Variants in GAS7 observed in about 807,000 individuals in gnomAD.
The protein encoded by GAS7 is growth arrest-specific protein 7.
In GAS7, 28 loss-of-function variants were observed where a neutral mutation model predicts 71.1. That is an observed-to-expected ratio of 0.39 (90% CI 0.29 to 0.54). GAS7 has a LOEUF of 0.54. Among genes scored for constraint, GAS7 ranks in the 20% least tolerant of loss-of-function variants. The pLI, the probability that GAS7 is intolerant of heterozygous loss-of-function variation, is 0.62. For missense variants in GAS7, 436 were observed against 627.8 expected (o/e 0.69, Z 3.27); for synonymous variants, 258 against 245.8 (o/e 1.05, Z -0.46).
chr17:10,039,049 G>A (rs1022810665), intron 1 of GAS7, among the ~76,000 whole-genome samples: 10 of 152,086 alleles, frequency 6.6e-5, no homozygotes, highest in African/African-American at 1.9e-4. Context: ...GGCAGGGAAT[G>A]ATGGGAAGTT....
At chr17:10,158,023 T>A (rs1378360627) in intron 1 of GAS7, among the ~76,000 whole-genome samples, 1 of 152,138 alleles carries the variant, frequency 6.6e-6, no homozygotes, top group Non-Finnish European at 1.5e-5. Context: ...TTTATTTTTA[T>A]TTTTTGAGAC....
At chr17:9,951,844 A>T (rs1387496805) in intron 5 of GAS7, among the ~76,000 whole-genome samples, 1 of 139,316 alleles carries the variant, frequency 7.2e-6, no homozygotes, top group Non-Finnish European at 1.5e-5. Context: ...TGGGGCAGGC[A>T]GGAGGAGAAA....
chr17:10,133,116 T>TATA (rs1319814933), intron 1 of GAS7, among the ~76,000 whole-genome samples: 4 of 144,370 alleles, frequency 2.8e-5, no homozygotes, highest in East Asian at 2.0e-4. Flanking sequence ...GATTATATAT[T>TATA]TTTATATTTT....
intron 1 of GAS7, among the ~76,000 whole-genome samples, chr17:10,050,284 TG>T (rs2073044983): frequency 6.6e-6 from 1 of 151,566 alleles, no homozygotes; most frequent in East Asian, 1.9e-4. Flanking sequence ...GTTGGTGGGG[TG>T]GGGGGGCTTT....
intron 1 of GAS7, among the ~76,000 whole-genome samples, chr17:10,196,777 G>T (rs969670847): frequency 1.3e-5 from 2 of 152,140 alleles, no homozygotes; most frequent in African/African-American, 4.8e-5. Context: ...TCTATCCCAG[G>T]GCTTCAAGCT....
chr17:10,036,405 A>T, intron 1 of GAS7: 1 of 1,550,816 alleles, frequency 6.4e-7, no homozygotes. Context: ...TGGAGCATAC[A>T]TCTGCAGGCA....
Position 10,021,879 on chromosome 17 carries a change from G to A in GAS7, c.184-1982C>T, listed in dbSNP as rs1429267953. 2.6e-5 allele frequency among the ~76,000 whole-genome samples: 4 copies of A among 152,342 alleles called. No individual in the cohort carries two copies. The East Asian group carries it at 7.7e-4, about 29-fold the overall frequency. On this transcript the variant is annotated intron_variant, in intron 1 of 13. Transcript: ENST00000432992. ...GCGCGCGTGCATGTTGAGAGAAAGAGAAGTATCCCATGCACAGGAGATGAA... is the reference window on the plus strand; with the variant it reads ...GCGCGCGTGCATGTTGAGAGAAAGAAAAGTATCCCATGCACAGGAGATGAA...
intron 1 of GAS7, among the ~76,000 whole-genome samples, chr17:10,169,183 T>C (rs2074316858): frequency 6.6e-6 from 1 of 151,954 alleles, no homozygotes; most frequent in Non-Finnish European, 1.5e-5. Context: ...GGAGAATCAC[T>C]TGAACCCAGG....
Position 9,981,705 on chromosome 17 carries a change from T to C in GAS7, c.385+99A>G. On this transcript the variant is annotated intron_variant, in intron 3 of 13. Transcript: ENST00000432992. The surrounding 1 kb of genome is among the most constrained non-coding windows in gnomAD (Gnocchi z 4.4). ...CCAACCCCTCCCTGGGTTTGCTACA[T>C]CAGCCAGGTTTAAGACCCAGGACCC... The C allele has an allele frequency of 2.7e-6, 2 of 738,412 alleles. No homozygotes were observed. Among genetic ancestry groups the C allele is most frequent in the Non-Finnish European group, 4.8e-6 (2 of 416,610 alleles). The allele number at this position is 738,412 out of a possible 1,614,324, so 45.7% of individuals were successfully genotyped here.
At chr17:10,086,414 T>A (rs769311532) in intron 1 of GAS7, among the ~76,000 whole-genome samples, 3 of 152,104 alleles carry the variant, frequency 2.0e-5, no homozygotes, top group Non-Finnish European at 2.9e-5. Flanking sequence ...AAGGCCAGGA[T>A]TATGTCTCCT....
At chr17:9,970,632 A>AAAAACAAAAC (rs760182527) in intron 3 of GAS7, among the ~76,000 whole-genome samples, 1 of 151,560 alleles carries the variant, frequency 6.6e-6, no homozygotes, top group Non-Finnish European at 1.5e-5. Context: ...AACTCCATCA[A>AAAAACAAAAC]AAAACAAAAC....
chr17:10,137,108 A>T (rs1286465378), intron 1 of GAS7, among the ~76,000 whole-genome samples: 1 of 121,840 alleles, frequency 8.2e-6, no homozygotes, highest in Non-Finnish European at 1.8e-5. Flanking sequence ...AGCGAGACCC[A>T]GCTTAAAAAG....
chr17:10,054,772 C>T (rs2073113335), intron 1 of GAS7, among the ~76,000 whole-genome samples: 1 of 152,246 alleles, frequency 6.6e-6, no homozygotes, highest in African/African-American at 2.4e-5. Context: ...TGGATGCCAG[C>T]TTCCACGGGA....
intron 1 of GAS7, among the ~76,000 whole-genome samples, chr17:10,158,336 T>TTAAAAAC (rs532036477): frequency 0.098 from 8,188 of 83,450 alleles, 287 homozygotes; most frequent in South Asian, 0.18. Context: ...CTTTTTTTGG[T>TTAAAAAC]AAAAAAAAAA....
At chr17:10,154,408 G>A (rs1377055521) in intron 1 of GAS7, among the ~76,000 whole-genome samples, 1 of 152,046 alleles carries the variant, frequency 6.6e-6, no homozygotes, top group African/African-American at 2.4e-5. Flanking sequence ...GGAGGCCAAG[G>A]TGGGAGGATT....
In GAS7 at chr17:9,919,626, C is replaced by T; in HGVS notation, c.1218G>A (p.Leu406=). 6.2e-7 allele frequency: 1 copy of T among 1,608,720 alleles called. No individual in the cohort carries two copies. Among genetic ancestry groups the T allele is most frequent in the Non-Finnish European group, 8.5e-7 (1 of 1,175,080 alleles). The change falls in exon 12 of 14, where the codon TTG becomes TTA. Residue 406 remains leucine (L), a splice_region_variant and synonymous_variant. Transcript: ENST00000432992. The surrounding 1 kb of genome is among the most constrained non-coding windows in gnomAD (Gnocchi z 5.0). Reference sequence around the variant, plus strand: ...TGTCCACACATCCCTGCCCGCTTACCAATGTGGTGGTCACCATCTCTTCAA... The same window carrying T: ...TGTCCACACATCCCTGCCCGCTTACTAATGTGGTGGTCACCATCTCTTCAA... ...KWFEEMVTTT[L]ELERLEVERV...
chr17:10,100,890 G>C (rs2073692002), intron 1 of GAS7, among the ~76,000 whole-genome samples: 2 of 152,220 alleles, frequency 1.3e-5, no homozygotes, highest in Admixed American at 1.3e-4. Context: ...CCTAGAGATG[G>C]AGATTTCTGA....
chr17:10,118,135 A>G (rs1473313513), intron 1 of GAS7, among the ~76,000 whole-genome samples: 1 of 152,148 alleles, frequency 6.6e-6, no homozygotes, highest in Admixed American at 6.5e-5. Context: ...GACAGCCAAG[A>G]CCATCCCGGA....
Position 9,915,339 on chromosome 17 carries a change from A to C in GAS7, c.*1889T>G. On this transcript the variant is annotated 3_prime_UTR_variant, in exon 14 of 14. Coordinates refer to ENST00000432992, the MANE Select transcript of GAS7 (RefSeq NM_201433.2). Reference sequence around the variant, plus strand: ...AGAGTAGTTTACTAAGCCACAAAGCAATTACCACTAGCACCCATTTTTCAT... The same window carrying C: ...AGAGTAGTTTACTAAGCCACAAAGCCATTACCACTAGCACCCATTTTTCAT... The C allele has an allele frequency of 4.3e-6, 1 of 231,178 alleles. No individual in the cohort carries two copies. 14.3% of individuals were successfully genotyped at this position (231,178 alleles called of 1,614,324 possible). A position where few individuals can be genotyped will look rare whatever the true frequency, so the allele number is the denominator to read the frequency against.
Sources: gnomAD v4.1 joint callset for allele counts (sites outside exome capture counted in the v4.1 genomes callset) on GRCh38, gnomAD v4.1.1 for gene constraint, Gnocchi (gnomAD v3.1) non-coding constraint, MANE v1.5 for transcripts, NCBI Gene and HGNC (gene_info 2026-07-23, HGNC 2026-07-21) for gene names.